The following FCHSD2 variants were observed in gnomAD, a reference collection of about 807,000 sequenced individuals.
The protein encoded by FCHSD2 is F-BAR and double SH3 domains protein 2.
Under a neutral mutation model 108.1 loss-of-function variants are expected in FCHSD2, and 38 were observed. That is an observed-to-expected ratio of 0.35 (90% CI 0.27 to 0.46). FCHSD2 has a LOEUF of 0.46. Among genes scored for constraint, FCHSD2 ranks in the 20% least tolerant of loss-of-function variants. The pLI is 1.00. For synonymous variants in FCHSD2, 279 were observed against 314.7 expected (o/e 0.89, Z 1.20); for missense variants, 751 against 897.8 (o/e 0.84, Z 2.09).
intron 2 of FCHSD2, among the ~76,000 whole-genome samples, chr11:73,089,510 A>G (rs1412408573): frequency 6.6e-6 from 1 of 152,228 alleles, no homozygotes; most frequent in Non-Finnish European, 1.5e-5. Flanking sequence ...TATTCATAAT[A>G]TCCAAACAGT....
At chr11:72,915,674 C>T (rs182480660) in intron 9 of FCHSD2, among the ~76,000 whole-genome samples, 209 of 152,154 alleles carry the variant, frequency 1.4e-3, no homozygotes, top group Non-Finnish European at 2.3e-3. Context: ...AAAAATTAGC[C>T]GGGCGCGGTG....
chr11:72,899,127 ATAAAT>A (rs1276684412), intron 10 of FCHSD2, among the ~76,000 whole-genome samples: 2 of 152,238 alleles, frequency 1.3e-5, no homozygotes, highest in Non-Finnish European at 2.9e-5. Flanking sequence ...TGAAGATAAA[ATAAAT>A]TAATATAGGT....
intron 2 of FCHSD2, among the ~76,000 whole-genome samples, chr11:73,112,617 A>G (rs142104148): frequency 9.2e-5 from 14 of 152,240 alleles, no homozygotes; most frequent in African/African-American, 2.4e-4. Flanking sequence ...TTTAAGGTCA[A>G]TAACTCTTAG....
chr11:72,942,333 C>T (rs1856435822), intron 8 of FCHSD2, among the ~76,000 whole-genome samples: 1 of 152,218 alleles, frequency 6.6e-6, no homozygotes, highest in African/African-American at 2.4e-5. Flanking sequence ...CAGCAGCATG[C>T]TCCCTGTACA....
At chr11:72,868,076 T>C (rs752709067) in intron 12 of FCHSD2, 50 bp from the exon 13 acceptor site, 26 of 1,517,478 alleles carry the variant, frequency 1.7e-5, no homozygotes, top group Non-Finnish European at 2.0e-5. Flanking sequence ...TTATTCACAA[T>C]AGCAAAGATA....
chr11:73,058,598 T>G (rs868458401), intron 3 of FCHSD2, among the ~76,000 whole-genome samples: 1 of 138,572 alleles, frequency 7.2e-6, no homozygotes, highest in African/African-American at 2.7e-5. Flanking sequence ...TTCATTTTCC[T>G]TTTTTTTTTT....
intron 8 of FCHSD2, among the ~76,000 whole-genome samples, chr11:72,965,585 T>G (rs377120511): frequency 6.6e-6 from 1 of 152,232 alleles, no homozygotes; most frequent in African/African-American, 2.4e-5. Context: ...TGAAACTTTT[T>G]GTTAAAGTAT....
intron 8 of FCHSD2, among the ~76,000 whole-genome samples, chr11:72,969,452 A>G (rs945040624): frequency 4.6e-5 from 7 of 152,230 alleles, no homozygotes; most frequent in Admixed American, 3.9e-4. Flanking sequence ...ACTGAGAGGG[A>G]CAGAGACAAA....
chr11:73,106,224 T>C (rs374519488), intron 2 of FCHSD2, among the ~76,000 whole-genome samples: 29 of 152,074 alleles, frequency 1.9e-4, no homozygotes, highest in African/African-American at 5.5e-4. Context: ...CCTGGGAACA[T>C]AGTGAGAACC....
At chr11:73,088,459 G>A (rs1421349270) in intron 2 of FCHSD2, among the ~76,000 whole-genome samples, 2 of 151,388 alleles carry the variant, frequency 1.3e-5, no homozygotes, top group Non-Finnish European at 2.9e-5. Flanking sequence ...GTATACATAC[G>A]TGTGTGTGTG....
intron 13 of FCHSD2, among the ~76,000 whole-genome samples, chr11:72,854,549 AG>A (rs1312582285): frequency 6.6e-6 from 1 of 152,164 alleles, no homozygotes. Context: ...CTCCTACTTC[AG>A]CCCCCCGAGT....
chr11:73,051,791 G>C (rs1858903411), intron 3 of FCHSD2, among the ~76,000 whole-genome samples: 1 of 151,692 alleles, frequency 6.6e-6, no homozygotes, highest in South Asian at 2.1e-4. Flanking sequence ...AGAAGCAAAT[G>C]TCTGCTATTT....
intron 8 of FCHSD2, among the ~76,000 whole-genome samples, chr11:72,980,661 GTA>G (rs1334866607): frequency 3.7e-5 from 4 of 108,384 alleles, no homozygotes; most frequent in African/African-American, 1.4e-4. Flanking sequence ...ATATGTATGT[GTA>G]TGTGTGTGTG....
intron 3 of FCHSD2, among the ~76,000 whole-genome samples, chr11:73,055,687 C>T (rs1859009285): frequency 6.6e-6 from 1 of 151,796 alleles, no homozygotes; most frequent in Non-Finnish European, 1.5e-5. Context: ...TAAAACATAC[C>T]ATCAAAAGAT....
chr11:72,912,785 C>A (rs1855790040), intron 9 of FCHSD2, among the ~76,000 whole-genome samples: 1 of 152,198 alleles, frequency 6.6e-6, no homozygotes, highest in African/African-American at 2.4e-5. Context: ...CTTTCTATTA[C>A]AGCTTTGATC....
chr11:73,026,847 C>T (rs1858240952), intron 3 of FCHSD2, among the ~76,000 whole-genome samples: 1 of 152,084 alleles, frequency 6.6e-6, no homozygotes, highest in South Asian at 2.1e-4. Flanking sequence ...TGGCACTTCC[C>T]CCTTTGCTCG....
chr11:72,999,080 G>A (rs1343770147), intron 5 of FCHSD2, among the ~76,000 whole-genome samples: 4 of 152,150 alleles, frequency 2.6e-5, no homozygotes, highest in African/African-American at 9.7e-5. Flanking sequence ...TGAACCCCTA[G>A]ATCCACCCAT....
At chr11:73,130,780 T>C (rs1351089781) in intron 2 of FCHSD2, among the ~76,000 whole-genome samples, 1 of 152,194 alleles carries the variant, frequency 6.6e-6, no homozygotes, top group African/African-American at 2.4e-5. Context: ...CTGACCATAA[T>C]ATGGAAGTAT....
chr11:72,849,081 C>T (rs1861219806), intron 14 of FCHSD2, among the ~76,000 whole-genome samples: 2 of 152,298 alleles, frequency 1.3e-5, no homozygotes, highest in African/African-American at 2.4e-5. Context: ...AGGGATGTGG[C>T]GGAGGAGTGA....
Sources: gnomAD v4.1 joint callset for allele counts (sites outside exome capture counted in the v4.1 genomes callset) on GRCh38, gnomAD v4.1.1 for gene constraint, MANE v1.5 for transcripts, NCBI Gene and HGNC (gene_info 2026-07-23, HGNC 2026-07-21) for gene names.